EFCAB6: variants seen among roughly 807,000 people sequenced by gnomAD.
EFCAB6 encodes the protein EF-hand calcium-binding domain-containing protein 6.
EFCAB6 carries 156 observed loss-of-function variants against 169.8 expected under a neutral mutation model. The observed-to-expected ratio is 0.92, with a 90% confidence interval of 0.81 to 1.05. The LOEUF (loss-of-function observed/expected upper bound fraction) is 1.05. EFCAB6 is among the 50% of genes least tolerant of loss of function. The pLI is 0.00. For synonymous variants in EFCAB6, 698 were observed against 676.4 expected (o/e 1.03, Z -0.50); for missense variants, 1,800 against 1,829.1 (o/e 0.98, Z 0.29).
chr22:43,543,915 AT>A, intron 27 of EFCAB6, among the ~76,000 whole-genome samples: 1 of 151,762 alleles, frequency 6.6e-6, no homozygotes, highest in East Asian at 1.9e-4. Context: ...AGTTCTAGAC[AT>A]TTCTCTCTCC....
At chr22:43,610,414 C>T (rs2053221735) in intron 21 of EFCAB6, among the ~76,000 whole-genome samples, 1 of 152,138 alleles carries the variant, frequency 6.6e-6, no homozygotes, top group Non-Finnish European at 1.5e-5. Context: ...AATAAATGAC[C>T]AAGTGAATAT....
chr22:43,636,428 G>A (rs1280458467), intron 17 of EFCAB6, among the ~76,000 whole-genome samples: 1 of 152,090 alleles, frequency 6.6e-6, no homozygotes, highest in African/African-American at 2.4e-5. Context: ...GCCAGGCACT[G>A]TGTGGGGCTC....
At chr22:43,652,651 G>T (rs1464739414) in intron 17 of EFCAB6, among the ~76,000 whole-genome samples, 1 of 152,096 alleles carries the variant, frequency 6.6e-6, no homozygotes, top group Non-Finnish European at 1.5e-5. Context: ...AGCAGAGGAT[G>T]ACCTATTATC....
intron 17 of EFCAB6, among the ~76,000 whole-genome samples, chr22:43,656,283 G>A (rs917843640): frequency 5.3e-5 from 8 of 152,090 alleles, no homozygotes; most frequent in Admixed American, 1.3e-4. Flanking sequence ...CCAGCTACTC[G>A]GGAGGCTGAG....
intron 4 of EFCAB6, among the ~76,000 whole-genome samples, chr22:43,768,562 C>T (rs1347934060): frequency 6.6e-6 from 1 of 152,218 alleles, no homozygotes; most frequent in Non-Finnish European, 1.5e-5. Context: ...ACCTTGGCCT[C>T]CTGCAATGTG....
At position 43,731,714 on chromosome 22, in the gene EFCAB6, A is replaced by T; in HGVS notation, c.742T>A (p.Cys248Ser). 6.3e-7 allele frequency: 1 copy of T among 1,586,888 alleles called. No individual in the cohort carries two copies. Among genetic ancestry groups the T allele is most frequent in the Non-Finnish European group, 8.6e-7 (1 of 1,169,012 alleles). Residue 248 changes from cysteine (C) to serine (S), a missense_variant, in exon 8 of 32, where the codon TGT becomes AGT. Coordinates refer to ENST00000262726, the MANE Select transcript of EFCAB6 (RefSeq NM_022785.4). ...SINNDLNLRY[C>S]MGNQEVSLEN... The stretch of plus-strand genomic sequence containing the variant: ...AAATACTTACCTTGATTTCCCATAC[A>T]ATATCTAAGGTTCAAGTCGTTATTT...
chr22:43,599,489 G>A, intron 23 of EFCAB6, among the ~76,000 whole-genome samples: 1 of 110,214 alleles, frequency 9.1e-6, no homozygotes, highest in African/African-American at 3.6e-5. Flanking sequence ...CAGCCTGGGA[G>A]ACAGAGTGAG....
chr22:43,589,601 A>G (rs1168624999), intron 24 of EFCAB6, among the ~76,000 whole-genome samples: 2 of 152,168 alleles, frequency 1.3e-5, no homozygotes, highest in Admixed American at 1.3e-4. Context: ...CAGCCTGGCC[A>G]ACGTGGTGAA....
At chr22:43,700,264 T>G (rs1216649733) in intron 10 of EFCAB6, among the ~76,000 whole-genome samples, 1 of 152,150 alleles carries the variant, frequency 6.6e-6, no homozygotes, top group Non-Finnish European at 1.5e-5. Context: ...GGTTTAAAAT[T>G]TAAGCCCTAG....
At chr22:43,722,092 C>T (rs1215006850) in intron 8 of EFCAB6, among the ~76,000 whole-genome samples, 2 of 152,064 alleles carry the variant, frequency 1.3e-5, no homozygotes, top group Admixed American at 1.3e-4. Context: ...AGGACACGAA[C>T]AGACACTTCT....
chr22:43,678,110 C>T lies in EFCAB6; in HGVS notation c.1305G>A (p.Met435Ile), dbSNP rs772534409. ...REEFRYILNC[M>I]AVKLSDSEFK... is the part of the protein sequence containing the mutation. ...ATTCTGAATCGCTTAGTTTTACAGC[C>T]ATGCAATTTAGAATATATCGAAATT... The change falls in exon 13 of 32, where the codon ATG becomes ATA. Residue 435 changes from methionine (M) to isoleucine (I), a missense_variant. Physicochemically the swap from Met to Ile is conservative, Grantham distance 10. Coordinates refer to ENST00000262726, the MANE Select transcript of EFCAB6 (RefSeq NM_022785.4). 1 of 1,611,534 alleles carries T rather than the reference C, an allele frequency of 6.2e-7. No homozygotes were observed. Among genetic ancestry groups the T allele is most frequent in the Admixed American group, 1.7e-5 (1 of 59,734 alleles).
chr22:43,632,071 T>C (rs2054987345), intron 19 of EFCAB6, 34 bp downstream of exon 19: 1 of 1,609,040 alleles, frequency 6.2e-7, no homozygotes, highest in South Asian at 1.1e-5. Context: ...AGGGGAGGCC[T>C]AGAGAAGCCC....
chr22:43,637,514 C>A lies in EFCAB6; in HGVS notation c.1984-2298G>T, dbSNP rs75640520. ...AGTCAGGCCTGGCCTTGGCTTCCTG[C>A]GTGTGGAGGTTAACAGTAAACAGGC... On this transcript the variant is annotated intron_variant, in intron 17 of 31. Transcript: ENST00000262726. 1.2e-4 allele frequency among the ~76,000 whole-genome samples: 18 copies of A among 152,322 alleles called. No homozygotes were observed. The East Asian group carries it at 3.5e-3, about 29-fold the overall frequency.
At chr22:43,592,128 C>T (rs867188609) in intron 23 of EFCAB6, among the ~76,000 whole-genome samples, 23 of 152,254 alleles carry the variant, frequency 1.5e-4, no homozygotes, top group Non-Finnish European at 2.2e-4. Flanking sequence ...GGAAAAGAAA[C>T]GTCAGGACTC....
chr22:43,802,374 T>C (rs187115816), intron 2 of EFCAB6, among the ~76,000 whole-genome samples: 1 of 151,764 alleles, frequency 6.6e-6, no homozygotes, highest in East Asian at 1.9e-4. Flanking sequence ...ACTAAAACTA[T>C]GAAAAATTAG....
At chr22:43,708,639 A>T (rs1241622055) in intron 10 of EFCAB6, among the ~76,000 whole-genome samples, 1 of 152,188 alleles carries the variant, frequency 6.6e-6, no homozygotes, top group Non-Finnish European at 1.5e-5. Context: ...ACAATAAAAG[A>T]GTAAAAAGTT....
chr22:43,643,654 C>T (rs1314074256), intron 17 of EFCAB6, among the ~76,000 whole-genome samples: 1 of 152,200 alleles, frequency 6.6e-6, no homozygotes, highest in Admixed American at 6.5e-5. Context: ...TGCTCCCTAT[C>T]AGTTGATCAG....
intron 17 of EFCAB6, among the ~76,000 whole-genome samples, chr22:43,643,392 G>C (rs1291644103): frequency 1.3e-5 from 2 of 152,230 alleles, no homozygotes; most frequent in African/African-American, 4.8e-5. Context: ...CAGAGTATCA[G>C]GTTCAACTTT....
chr22:43,773,167 T>A (rs901045095), intron 3 of EFCAB6, 64 bp from the exon 4 acceptor site: 3 of 1,534,720 alleles, frequency 2.0e-6, no homozygotes, highest in Non-Finnish European at 2.7e-6. Context: ...CAGAAACTCT[T>A]GCACTGTTGA....
Sources: allele counts gnomAD v4.1 joint callset (sites outside exome capture counted in the v4.1 genomes callset), GRCh38; gene constraint gnomAD v4.1.1; transcripts MANE v1.5; gene names NCBI Gene and HGNC (gene_info 2026-07-23, HGNC 2026-07-21).